KIAA1958: variants seen among roughly 807,000 people sequenced by gnomAD.
The protein encoded by KIAA1958 is uncharacterized protein KIAA1958.
A neutral mutation model predicts 47.2 loss-of-function variants in KIAA1958; 14 were observed. The observed-to-expected ratio is 0.30, with a 90% CI of 0.20 to 0.46. The LOEUF is 0.46. Ranked by LOEUF, KIAA1958 falls within the 20% of genes least tolerant of loss-of-function variation. KIAA1958 has a pLI of 1.00. For synonymous variants in KIAA1958, 354 were observed against 353.3 expected, an observed-to-expected ratio of 1.00 and a Z score of -0.02; for missense variants, 803 against 909.2, an observed-to-expected ratio of 0.88 and a Z score of 1.50.
intron 1 of KIAA1958, among the ~76,000 whole-genome samples, chr9:112,565,049 AATT>A (rs1192762410): frequency 6.6e-6 from 1 of 152,184 alleles, no homozygotes; most frequent in Non-Finnish European, 1.5e-5. Context: ...CTTTAGTTGC[AATT>A]ATTGTTGTAT....
intron 2 of KIAA1958, among the ~76,000 whole-genome samples, chr9:112,607,443 G>C (rs573686967): frequency 1.3e-5 from 2 of 152,054 alleles, no homozygotes; most frequent in Non-Finnish European, 2.9e-5. Flanking sequence ...TAAAATAAAC[G>C]TTCCCTTTTG....
At chr9:112,539,157 A>G (rs538541721) in intron 1 of KIAA1958, among the ~76,000 whole-genome samples, 34 of 152,366 alleles carry the variant, frequency 2.2e-4, no homozygotes, top group Non-Finnish European at 3.5e-4. Context: ...ATGGTTAAAC[A>G]TAGAGTTACC....
At chr9:112,502,107 G>A (rs542815214) in intron 1 of KIAA1958, among the ~76,000 whole-genome samples, 52 of 152,164 alleles carry the variant, frequency 3.4e-4, no homozygotes, top group Non-Finnish European at 6.5e-4. Context: ...TAGAAAGGAG[G>A]AGGGGAGGAA....
chr9:112,563,196 T>C (rs1000583968), intron 1 of KIAA1958, among the ~76,000 whole-genome samples: 8 of 151,694 alleles, frequency 5.3e-5, no homozygotes, highest in Admixed American at 4.6e-4. Context: ...TCCCAAAGTA[T>C]TGGGATTATA....
rs1157842470 is a variant in KIAA1958 at position 112,663,392 on chromosome 9, C to T, written c.*3323C>T. ...TCATAAGCATGCAATAAATGTTAGC[C>T]AGCTTAGTTATAACTTTTGGTAATA... On this transcript the variant is annotated 3_prime_UTR_variant, in exon 4 of 4. Transcript: ENST00000337530. The T allele has an allele frequency of 6.6e-6, 1 of 152,204 alleles. No individual in the cohort carries two copies. The highest frequency in any genetic ancestry group is 6.5e-5 in the Admixed American group (1 of 15,282). The allele number at this position is 152,204 out of a possible 1,614,324, so 9.4% of individuals were successfully genotyped here.
Position 112,537,647 on chromosome 9 carries a change from G to C in KIAA1958, c.-24-36410G>C, listed in dbSNP as rs183209278. On this transcript the variant is annotated intron_variant, in intron 1 of 3. Coordinates refer to ENST00000337530, the MANE Select transcript of KIAA1958 (RefSeq NM_133465.4). Reference sequence around the variant, plus strand: ...AAATTCAAAATCTGATGATATGCAAGGTTGACAAAGATATGGAGCAACAGG... The same window carrying C: ...AAATTCAAAATCTGATGATATGCAACGTTGACAAAGATATGGAGCAACAGG... 3.3e-5 allele frequency among the ~76,000 whole-genome samples: 5 copies of C among 152,296 alleles called. No homozygotes were observed. In the East Asian group the frequency reaches 9.7e-4, roughly 29 times the overall value.
intron 2 of KIAA1958, among the ~76,000 whole-genome samples, chr9:112,597,161 G>T (rs1012157787): frequency 1.3e-5 from 2 of 152,264 alleles, no homozygotes; most frequent in Middle Eastern, 3.4e-3. Context: ...GTTAACAAAG[G>T]TGATCTTATT....
At position 112,523,283 on chromosome 9, in the gene KIAA1958, C is replaced by T. The variant is rs1244201315; in HGVS notation, c.-25+36165C>T. On this transcript the variant is annotated intron_variant, in intron 1 of 3. Transcript: ENST00000337530. The stretch of plus-strand genomic sequence containing the variant: ...TGGGCAACATGGTGAAACCCTTCCT[C>T]TACAAAAAAATACAAAAATTAGCCG... Among the ~76,000 whole-genome samples, 4 of 152,126 alleles carry T rather than the reference C, an allele frequency of 2.6e-5. No homozygotes were observed. In the East Asian group the frequency reaches 5.8e-4, roughly 22 times the overall value.
At chr9:112,513,537 C>A (rs1380348149) in intron 1 of KIAA1958, among the ~76,000 whole-genome samples, 9 of 76,072 alleles carry the variant, frequency 1.2e-4, no homozygotes, top group Non-Finnish European at 2.4e-4. Context: ...AGTGCGGAGC[C>A]GGGACAGTCG....
intron 1 of KIAA1958, among the ~76,000 whole-genome samples, chr9:112,530,043 C>T (rs1053810008): frequency 2.0e-5 from 3 of 152,086 alleles, no homozygotes; most frequent in African/African-American, 7.2e-5. Flanking sequence ...CAGGGTTTCA[C>T]CGTGTTAGCC....
intron 1 of KIAA1958, among the ~76,000 whole-genome samples, chr9:112,567,193 C>A (rs1271847164): frequency 6.6e-6 from 1 of 152,110 alleles, no homozygotes. Flanking sequence ...CTATATATAA[C>A]AACTCCCCAG....
At position 112,618,112 on chromosome 9, in the gene KIAA1958, G is replaced by A; in HGVS notation, c.1172-27538G>A. The stretch of plus-strand genomic sequence containing the variant: ...ACAGCTTGGCCAATTACCAGTGTGG[G>A]CTCGAAAGGTACCTGAAAGAACACA... On this transcript the variant is annotated intron_variant, in intron 2 of 3. Transcript: ENST00000337530. This position sits in a 1 kb window ranked among gnomAD's most constrained non-coding sequence, Gnocchi z 7.1. The A allele has an allele frequency of 6.4e-7, 1 of 1,550,548 alleles. No homozygotes were observed. Among genetic ancestry groups the A allele is most frequent in the Non-Finnish European group, 8.7e-7 (1 of 1,146,996 alleles).
intron 2 of KIAA1958, among the ~76,000 whole-genome samples, chr9:112,583,290 A>G (rs1331340595): frequency 6.6e-6 from 1 of 152,236 alleles, no homozygotes; most frequent in Non-Finnish European, 1.5e-5. Context: ...ACAACAAGAT[A>G]CTATCTTACT....
intron 2 of KIAA1958, among the ~76,000 whole-genome samples, chr9:112,645,058 C>G (rs1588052470): frequency 2.6e-5 from 4 of 152,024 alleles, no homozygotes; most frequent in Admixed American, 2.6e-4. Flanking sequence ...TCGCTTGAAC[C>G]CAGGAGGCGG....
chr9:112,506,620 G>A (rs898386451), intron 1 of KIAA1958, among the ~76,000 whole-genome samples: 2 of 151,968 alleles, frequency 1.3e-5, no homozygotes, highest in African/African-American at 4.8e-5. Context: ...TTTTTACTGG[G>A]AAAAATATGG....
At chr9:112,637,835 T>A (rs931596228) in intron 2 of KIAA1958, among the ~76,000 whole-genome samples, 52 of 152,190 alleles carry the variant, frequency 3.4e-4, no homozygotes, top group African/African-American at 1.2e-3. Context: ...GTCCTTTTTT[T>A]CCAGTTTCTT....
intron 2 of KIAA1958, among the ~76,000 whole-genome samples, chr9:112,576,561 A>G (rs557808348): frequency 1.3e-5 from 2 of 151,648 alleles, no homozygotes; most frequent in Non-Finnish European, 2.9e-5. Context: ...CTGTCTATGG[A>G]TTTTCCTATT....
At chr9:112,563,065 GTCTCTC>G (rs1554724186) in intron 1 of KIAA1958, among the ~76,000 whole-genome samples, 1 of 126,606 alleles carries the variant, frequency 7.9e-6, no homozygotes, top group Non-Finnish European at 1.6e-5. Flanking sequence ...CTCTGTCTCT[GTCTCTC>G]TCTCTCTCTC....
rs188365567 is a variant in KIAA1958, at chr9:112,659,914, G to A, written c.1996G>A (p.Val666Met). Residue 666 changes from valine to methionine, a missense_variant, in exon 4 of 4, where the codon GTG becomes ATG. Val to Met is a conservative substitution (Grantham distance 21). Coordinates refer to ENST00000337530, the MANE Select transcript of KIAA1958 (RefSeq NM_133465.4). ...GAAGGAGGCCACAGACATGGGCAGC[G>A]TGTGGTATGAGGAGCAGAGGATGGG... ...ARKEATDMGS[V>M]WYEEQRMGLR... is the part of the protein sequence containing the mutation. 4.8e-5 allele frequency: 77 copies of A among 1,614,232 alleles called. No homozygotes were observed. Among genetic ancestry groups the A allele is most frequent in the East Asian group, 2.2e-4 (10 of 44,890 alleles).
Sources: allele counts gnomAD v4.1 joint callset (sites outside exome capture counted in the v4.1 genomes callset), GRCh38; gene constraint gnomAD v4.1.1; non-coding constraint Gnocchi (gnomAD v3.1); transcripts MANE v1.5; gene names NCBI Gene and HGNC (gene_info 2026-07-23, HGNC 2026-07-21).